The following ACTR5 variants were observed in gnomAD, a reference collection of about 807,000 sequenced individuals.
The protein encoded by ACTR5 is actin-related protein 5.
Under a neutral mutation model 61.2 loss-of-function variants are expected in ACTR5, and 43 were observed. The ratio of observed to expected loss-of-function variants is 0.70; its 90% confidence interval spans 0.55 to 0.91. The LOEUF (loss-of-function observed/expected upper bound fraction) is 0.91. Ranked by LOEUF, ACTR5 falls within the 40% of genes least tolerant of loss-of-function variation. ACTR5 has a pLI of 0.00. For synonymous variants in ACTR5, 333 were observed against 310.5 expected (o/e 1.07, Z -0.76); for missense variants, 798 against 782.2 (o/e 1.02, Z -0.24).
At position 38,753,105 on chromosome 20, in the gene ACTR5, A is replaced by C. The variant is rs1374043796; in HGVS notation, c.775+805A>C. ...AGGGAAATAAATAATTGATGAGGAC[A>C]CTCAGTCCGGAGAGTTAGAGGCTTG... On this transcript the variant is annotated intron_variant, in intron 3 of 8. Coordinates refer to ENST00000243903, the MANE Select transcript of ACTR5 (RefSeq NM_024855.4). 1.3e-5 allele frequency among the ~76,000 whole-genome samples: 2 copies of C among 152,210 alleles called. 1 individual carries two copies. Among genetic ancestry groups the C allele is most frequent in the South Asian group, 4.1e-4 (2 of 4,832 alleles).
intron 5 of ACTR5, 69 bp downstream of exon 5, chr20:38,756,108 A>AG: frequency 6.8e-7 from 1 of 1,480,426 alleles, no homozygotes; most frequent in African/African-American, 1.4e-5. Flanking sequence ...CTGACATCAA[A>AG]GGGGTTGTGC....
chr20:38,761,783 G>A (rs1431550372), intron 5 of ACTR5: 1 of 153,058 alleles, frequency 6.5e-6, no homozygotes, highest in Non-Finnish European at 1.5e-5. Context: ...AAATAGATAA[G>A]GAAGTAGAAT....
At chr20:38,751,586 C>G (rs1176097109) in intron 2 of ACTR5, among the ~76,000 whole-genome samples, 1 of 152,140 alleles carries the variant, frequency 6.6e-6, no homozygotes, top group Admixed American at 6.5e-5. Context: ...ACAGTAAGTT[C>G]CTAGTGCTCT....
rs748052809 is a variant in ACTR5 at position 38,765,398 on chromosome 20, T to C, written c.1177-4T>C. On this transcript the variant is annotated splice_polypyrimidine_tract_variant and splice_region_variant and intron_variant, in intron 5 of 8. Transcript: ENST00000243903. The stretch of plus-strand genomic sequence containing the variant: ...GTTCTGTTTCATTTTGCTCCTTCTC[T>C]TAGACCCCTGACCTGGAGCAGCTGG... The C allele has an allele frequency of 1.2e-6, 2 of 1,612,736 alleles. No homozygotes were observed. The highest frequency in any genetic ancestry group is 8.5e-7 in the Non-Finnish European group (1 of 1,178,728).
chr20:38,768,927 C>T (rs1043258773), intron 8 of ACTR5, among the ~76,000 whole-genome samples: 2 of 152,142 alleles, frequency 1.3e-5, no homozygotes, highest in Admixed American at 6.5e-5. Context: ...ATATTTGACA[C>T]TGTTGTGCAA....
rs766139317 is a variant in ACTR5 at position 38,748,786 on chromosome 20, C to G, written c.308C>G (p.Pro103Arg). The G allele has an allele frequency of 1.9e-6, 3 of 1,609,052 alleles. No individual in the cohort carries two copies. Among genetic ancestry groups the G allele is most frequent in the South Asian group, 1.1e-5 (1 of 90,590 alleles). The change falls in exon 1 of 9, where the codon CCG becomes CGG. Residue 103 changes from proline (P) to arginine (R), a missense_variant. Transcript: ENST00000243903. ...MLRSPFDRNV[P>R]VNLELQELLL... ...CGCTCGCCCTTCGACCGCAACGTGC[C>G]GGTCAACCTGGAGCTTCAGGAGTTG...
At position 38,771,915 on chromosome 20, in the gene ACTR5, G is replaced by T; in HGVS notation, c.*99G>T. On this transcript the variant is annotated 3_prime_UTR_variant, in exon 9 of 9. Coordinates refer to ENST00000243903, the MANE Select transcript of ACTR5 (RefSeq NM_024855.4). ...GTGCTAGATGTACCTGCCCAAGTCT[G>T]CTGGTCACATTTGGCAGCAAAATGG... is the stretch of plus-strand genomic sequence containing the variant. 6.9e-7 allele frequency: 1 copy of T among 1,458,848 alleles called. No individual in the cohort carries two copies. The highest frequency in any genetic ancestry group is 1.4e-5 in the South Asian group (1 of 73,232). 90.4% of individuals were successfully genotyped at this position (1,458,848 alleles called of 1,614,324 possible).
chr20:38,766,458 C>A, intron 7 of ACTR5, 81 bp downstream of exon 7: 1 of 1,478,238 alleles, frequency 6.8e-7, no homozygotes, highest in South Asian at 1.4e-5. Context: ...ATTTGATGGT[C>A]AGGCACTTGA....
intron 6 of ACTR5, among the ~76,000 whole-genome samples, chr20:38,765,977 G>A (rs549996172): frequency 2.6e-4 from 40 of 152,290 alleles, no homozygotes; most frequent in Admixed American, 5.2e-4. Flanking sequence ...TCTAGACTCG[G>A]CCTTTTACTG....
At position 38,748,510 on chromosome 20, in the gene ACTR5, C is replaced by G; in HGVS notation, c.32C>G (p.Ala11Gly). 1.3e-6 allele frequency: 2 copies of G among 1,497,174 alleles called. No individual in the cohort carries two copies. Among genetic ancestry groups the G allele is most frequent in the Non-Finnish European group, 1.8e-6 (2 of 1,129,532 alleles). The allele number at this position is 1,497,174 out of a possible 1,614,324, so 92.7% of individuals were successfully genotyped here. The change falls in exon 1 of 9, where the codon GCC (alanine) becomes GGC (glycine). Residue 11 changes from alanine to glycine, a missense_variant. Ala to Gly is a moderately conservative substitution (Grantham distance 60). Transcript: ENST00000243903. ...GCGAACGTGTTCCCGTTCCGCGACG[C>G]CCGTGCCGCACCGGACCCAGTGCTG... MAANVFPFRD[A>G]RAAPDPVLEA... is the part of the protein sequence containing the mutation.
chr20:38,764,154 G>A (rs1382486704), intron 5 of ACTR5, among the ~76,000 whole-genome samples: 1 of 152,116 alleles, frequency 6.6e-6, no homozygotes, highest in African/African-American at 2.4e-5. Flanking sequence ...GTATATTTAA[G>A]TCCTCTGAAT....
At chr20:38,762,990 C>T (rs185659437) in intron 5 of ACTR5, among the ~76,000 whole-genome samples, 1 of 152,146 alleles carries the variant, frequency 6.6e-6, no homozygotes. Context: ...AAGAGGGAAG[C>T]GTTGTTCGTT....
intron 8 of ACTR5, among the ~76,000 whole-genome samples, chr20:38,768,739 C>A (rs2084502968): frequency 6.6e-6 from 1 of 152,074 alleles, no homozygotes; most frequent in South Asian, 2.1e-4. Flanking sequence ...AGGAACCCTC[C>A]CAATATCCAA....
At position 38,765,273 on chromosome 20, in the gene ACTR5, A is replaced by C. The variant is rs983582998; in HGVS notation, c.1177-129A>C. ...GCTTTTTTAAAAATAGCTTAGAAAA[A>C]TTTTCATAGTTTTTATGTAAGGTTT... On this transcript the variant is annotated intron_variant, in intron 5 of 8. Transcript: ENST00000243903. 7.3e-6 allele frequency: 5 copies of C among 687,428 alleles called. No homozygotes were observed. The African/African-American group carries it at 9.0e-5, about 12-fold the overall frequency. The allele number at this position is 687,428 out of a possible 1,614,324, so 42.6% of individuals were successfully genotyped here.
Position 38,755,907 on chromosome 20 carries a change from G to A in ACTR5, c.1044G>A (p.Glu348=), listed in dbSNP as rs759341377. ...QMDQFHKALI[E]LNMDSPEELQ... is the part of the protein sequence containing the mutation. ...ATCAGTTTCACAAAGCTCTGATAGA[G>A]CTGAATATGGACTCCCCAGAAGAGC... The change falls in exon 5 of 9, where the codon GAG becomes GAA. Residue 348 remains glutamate, a synonymous_variant. Transcript: ENST00000243903. The A allele has an allele frequency of 1.9e-6, 3 of 1,614,080 alleles. No homozygotes were observed. In the African/African-American group the frequency reaches 4.0e-5, roughly 22 times the overall value.
rs748984067 is a variant in ACTR5, at chr20:38,771,657, A to G, written c.1665A>G (p.Lys555=). The G allele has an allele frequency of 6.2e-7, 1 of 1,614,176 alleles. No individual in the cohort carries two copies. Among genetic ancestry groups the G allele is most frequent in the Non-Finnish European group, 8.5e-7 (1 of 1,180,038 alleles). The change falls in exon 9 of 9, where the codon AAA becomes AAG. Residue 555 remains lysine, a synonymous_variant. Coordinates refer to ENST00000243903, the MANE Select transcript of ACTR5 (RefSeq NM_024855.4). Reference sequence around the variant, plus strand: ...ATAATGAAGTTTGGATCACCAGGAAAGAGTATGAAGAAAAGGGAGGAGAGT... The same window carrying G: ...ATAATGAAGTTTGGATCACCAGGAAGGAGTATGAAGAAAAGGGAGGAGAGT... ...LDDNEVWITR[K]EYEEKGGEYL...
chr20:38,748,815 C>G lies in ACTR5; in HGVS notation c.337C>G (p.Leu113Val). 6.2e-7 allele frequency: 1 copy of G among 1,609,146 alleles called. No homozygotes were observed. Among genetic ancestry groups the G allele is most frequent in the Non-Finnish European group, 8.5e-7 (1 of 1,179,026 alleles). The change falls in exon 1 of 9, where the codon CTG (leucine) becomes GTG (valine). Residue 113 changes from leucine to valine, a missense_variant. Physicochemically the swap from Leu to Val is conservative, Grantham distance 32 (BLOSUM62 1). Coordinates refer to ENST00000243903, the MANE Select transcript of ACTR5 (RefSeq NM_024855.4). ...CAACCTGGAGCTTCAGGAGTTGCTG[C>G]TGGACTACAGCTTCCAGCACCTGGG... is the stretch of plus-strand genomic sequence containing the variant. ...PVNLELQELL[L>V]DYSFQHLGVS...
intron 2 of ACTR5, among the ~76,000 whole-genome samples, chr20:38,751,185 T>C (rs1010892997): frequency 3.3e-5 from 5 of 152,216 alleles, no homozygotes; most frequent in Non-Finnish European, 7.3e-5. Context: ...GGTTTGCAGC[T>C]CTGCTACTTA....
At chr20:38,751,922 G>A (rs527289938) in intron 2 of ACTR5, among the ~76,000 whole-genome samples, 9 of 152,268 alleles carry the variant, frequency 5.9e-5, no homozygotes, top group Admixed American at 1.3e-4. Context: ...TTAGGTGGCC[G>A]TGTGACTGTA....
Sources: gnomAD v4.1 joint callset for allele counts (sites outside exome capture counted in the v4.1 genomes callset) on GRCh38, gnomAD v4.1.1 for gene constraint, MANE v1.5 for transcripts, NCBI Gene and HGNC (gene_info 2026-07-23, HGNC 2026-07-21) for gene names.